NRXN3: variants seen among roughly 807,000 people sequenced by gnomAD.
NRXN3 encodes neurexin III.
Under a neutral mutation model 137.6 loss-of-function variants are expected in NRXN3, and 32 were observed. The observed-to-expected ratio is 0.23, with a 90% CI of 0.18 to 0.31. The LOEUF is 0.31. Ranked by LOEUF, NRXN3 falls within the 10% of genes least tolerant of loss-of-function variation. The pLI, the probability that NRXN3 is intolerant of heterozygous loss-of-function variation, is 1.00. For synonymous variants in NRXN3, 798 were observed against 784.5 expected (o/e 1.02, Z -0.29); for missense variants, 1,574 against 2,062.5 (o/e 0.76, Z 4.59).
chr14:79,808,272 ATATG>A (rs1555750786), intron 20 of NRXN3, among the ~76,000 whole-genome samples: 1 of 145,514 alleles, frequency 6.9e-6, no homozygotes. Flanking sequence ...ATATATATAT[ATATG>A]TATGTATGTA....
At chr14:79,002,009 T>C (rs1262874416) in intron 15 of NRXN3, among the ~76,000 whole-genome samples, 2 of 152,084 alleles carry the variant, frequency 1.3e-5, no homozygotes, top group Admixed American at 6.5e-5. Flanking sequence ...ATTATCATTT[T>C]TGTTGTGTAT....
intron 2 of NRXN3, among the ~76,000 whole-genome samples, chr14:78,251,494 G>A (rs531876925): frequency 5.9e-5 from 9 of 152,286 alleles, no homozygotes; most frequent in East Asian, 3.9e-4. Flanking sequence ...CTGTGGATCC[G>A]CCTCTGTTAA....
At chr14:78,943,890 T>C (rs1468970778) in intron 10 of NRXN3, among the ~76,000 whole-genome samples, 5 of 151,064 alleles carry the variant, frequency 3.3e-5, no homozygotes, top group Admixed American at 6.6e-5. Flanking sequence ...TCCAATCTGG[T>C]TGGGGATATG....
chr14:78,933,111 G>C (rs185565028), intron 10 of NRXN3, among the ~76,000 whole-genome samples: 1 of 152,274 alleles, frequency 6.6e-6, no homozygotes, highest in East Asian at 1.9e-4. Flanking sequence ...GTCTCACTTC[G>C]TACTGAAATG....
intron 16 of NRXN3, among the ~76,000 whole-genome samples, chr14:79,593,755 A>C (rs920941555): frequency 6.6e-6 from 1 of 152,218 alleles, no homozygotes; most frequent in Non-Finnish European, 1.5e-5. Context: ...GGTAGCAAAA[A>C]TAATAATTTT....
At chr14:79,000,704 G>A (rs1358137083) in intron 15 of NRXN3, among the ~76,000 whole-genome samples, 4 of 152,128 alleles carry the variant, frequency 2.6e-5, no homozygotes, top group South Asian at 2.1e-4. Context: ...GCTGCTGGTG[G>A]AGGTTGCGGG....
rs924963140 is a variant in NRXN3, at chr14:78,243,683, A to G, written c.590A>G (p.Asp197Gly). Residue 197 changes from aspartate (D) to glycine (G), a missense_variant, in exon 2 of 21, where the codon GAT becomes GGT. Coordinates refer to ENST00000335750, the MANE Select transcript of NRXN3 (RefSeq NM_001330195.2). The surrounding 1 kb of genome is among the most constrained non-coding windows in gnomAD (Gnocchi z 4.2). ...CTGGGGAGCCGGGGTGTCCAGATGG[A>G]TGCCGAGGGACCCTGTGGTGAGCGT... The part of the protein sequence containing the change: ...RLLGSRGVQM[D>G]AEGPCGERPC... The G allele has an allele frequency of 6.3e-7, 1 of 1,598,398 alleles. No homozygotes were observed. The highest frequency in any genetic ancestry group is 8.5e-7 in the Non-Finnish European group (1 of 1,179,810).
intron 4 of NRXN3, among the ~76,000 whole-genome samples, chr14:78,341,502 C>A (rs2082143384): frequency 6.6e-6 from 1 of 152,098 alleles, no homozygotes; most frequent in South Asian, 2.1e-4. Context: ...CAGCCATAGA[C>A]AATATGTAAA....
Position 79,630,119 on chromosome 14 carries a change from AAAAGATT to A in NRXN3, c.3445-33656_3445-33650del, listed in dbSNP as rs528421749. ...CTGGGTAGAAATGGGGCTCTTCGGA[AAAAGATT>A]AACTTTTCTGTCCACAGGGGTATTA... is the stretch of plus-strand genomic sequence containing the variant. On this transcript the variant is annotated intron_variant, in intron 16 of 20. Transcript: ENST00000335750. Among the ~76,000 whole-genome samples the A allele has an allele frequency of 9.7e-4, 148 of 152,304 alleles. 2 individuals are homozygous for A. The highest frequency in any genetic ancestry group is 1.8e-3 in the Admixed American group (28 of 15,300).
At chr14:78,746,684 G>A (rs532569767) in intron 8 of NRXN3, among the ~76,000 whole-genome samples, 1 of 152,282 alleles carries the variant, frequency 6.6e-6, no homozygotes, top group East Asian at 1.9e-4. Flanking sequence ...TTCTGTAGGA[G>A]AGATGCCTAA....
intron 4 of NRXN3, among the ~76,000 whole-genome samples, chr14:78,524,856 G>A (rs950592914): frequency 1.3e-5 from 2 of 152,166 alleles, no homozygotes; most frequent in Admixed American, 1.3e-4. Flanking sequence ...ACCTGAGATG[G>A]TGGGCAAGGA....
chr14:78,803,828 C>G lies in NRXN3; in HGVS notation c.2248+5C>G, dbSNP rs1373126305. The G allele has an allele frequency of 2.5e-6, 4 of 1,611,780 alleles. No individual in the cohort carries two copies. The Admixed American group carries it at 6.7e-5, about 27-fold the overall frequency. ...TCAAGCTCATGGTTAACTTAGGTATCGTATGAAGTACCCTCTGCCACTTCG... is the reference window on the plus strand; with the variant it reads ...TCAAGCTCATGGTTAACTTAGGTATGGTATGAAGTACCCTCTGCCACTTCG... On this transcript the variant is annotated splice_donor_5th_base_variant and intron_variant, in intron 9 of 20. Transcript: ENST00000335750.
intron 15 of NRXN3, among the ~76,000 whole-genome samples, chr14:79,125,619 G>A (rs2056276717): frequency 6.6e-6 from 1 of 152,028 alleles, no homozygotes; most frequent in Non-Finnish European, 1.5e-5. Flanking sequence ...CTCGAATATG[G>A]ACTCAACCAC....
At chr14:78,868,124 C>T (rs1314470621) in intron 10 of NRXN3, among the ~76,000 whole-genome samples, 1 of 150,938 alleles carries the variant, frequency 6.6e-6, no homozygotes, top group Non-Finnish European at 1.5e-5. Flanking sequence ...ATAAATCTGT[C>T]TTTATTACAG....
chr14:79,528,780 G>T (rs1047158963), intron 16 of NRXN3, among the ~76,000 whole-genome samples: 12 of 152,084 alleles, frequency 7.9e-5, no homozygotes, highest in Non-Finnish European at 1.8e-4. Context: ...TGGAAAAAAT[G>T]GATGATTTTG....
intron 4 of NRXN3, among the ~76,000 whole-genome samples, chr14:78,433,841 G>A (rs974817266): frequency 1.1e-4 from 17 of 151,966 alleles, no homozygotes; most frequent in East Asian, 7.7e-4. Context: ...ACAGTGGCTC[G>A]GACAACAAAA....
At chr14:78,582,169 T>A (rs1253759649) in intron 4 of NRXN3, among the ~76,000 whole-genome samples, 1 of 152,200 alleles carries the variant, frequency 6.6e-6, no homozygotes, top group Non-Finnish European at 1.5e-5. Context: ...AGCTACTTCA[T>A]GATGTTGGAG....
At chr14:79,307,987 G>C (rs1490492203) in intron 15 of NRXN3, among the ~76,000 whole-genome samples, 1 of 151,956 alleles carries the variant, frequency 6.6e-6, no homozygotes, top group African/African-American at 2.4e-5. Context: ...TCTGTCTTTG[G>C]TTTATAAATG....
At position 79,486,960 on chromosome 14, in the gene NRXN3, T is replaced by TCTCTCTCTCTCTCC. The variant is rs1365006345; in HGVS notation, c.3444+19559_3444+19560insTCTCTCTCTCTCCC. Reference sequence around the variant, plus strand: ...CTCTCTCTCTCTCTCTCTCTCTCTCTCCCACACACACACACCCCAAGATAA... The same window carrying TCTCTCTCTCTCTCC: ...CTCTCTCTCTCTCTCTCTCTCTCTCTCTCTCTCTCTCTCCCCCACACACACACACCCCAAGATAA... On this transcript the variant is annotated intron_variant, in intron 16 of 20. Coordinates refer to ENST00000335750, the MANE Select transcript of NRXN3 (RefSeq NM_001330195.2). 1.8e-3 allele frequency among the ~76,000 whole-genome samples: 204 copies of TCTCTCTCTCTCTCC among 112,076 alleles called. 5 individuals are homozygous for TCTCTCTCTCTCTCC. Among genetic ancestry groups the TCTCTCTCTCTCTCC allele is most frequent in the African/African-American group, 6.3e-3 (180 of 28,544 alleles). The allele number at this position is 112,076 out of a possible 152,430, so 73.5% of individuals were successfully genotyped here. A position where few individuals can be genotyped will look rare whatever the true frequency, so the allele number is the denominator to read the frequency against.
Sources: gnomAD v4.1 joint callset for allele counts (sites outside exome capture counted in the v4.1 genomes callset) on GRCh38, gnomAD v4.1.1 for gene constraint, Gnocchi (gnomAD v3.1) non-coding constraint, MANE v1.5 for transcripts, NCBI Gene and HGNC (gene_info 2026-07-23, HGNC 2026-07-21) for gene names.